Variants in LBP observed in about 807,000 individuals in gnomAD.
LBP encodes the protein lipopolysaccharide binding protein, also known as lipopolysaccharide-binding protein.
A neutral mutation model predicts 56.6 loss-of-function variants in LBP; 53 were observed. That is an observed-to-expected ratio of 0.94 (90% CI 0.75 to 1.18). The LOEUF (loss-of-function observed/expected upper bound fraction) is 1.18. Ranked by LOEUF, LBP falls within the 50% of genes most tolerant of loss-of-function variation. LBP has a pLI of 0.00. For missense variants in LBP, 601 were observed against 598.3 expected, an observed-to-expected ratio of 1.00 and a Z score of -0.05; for synonymous variants, 227 against 247.5, an observed-to-expected ratio of 0.92 and a Z score of 0.78.
chr20:38,365,713 AAAAAATAT>A (rs1195279476), intron 8 of LBP, among the ~76,000 whole-genome samples: 68 of 29,554 alleles, frequency 2.3e-3, no homozygotes, highest in African/African-American at 5.5e-3. Flanking sequence ...AAAAAAAAAA[AAAAAATAT>A]ATATATATAT....
rs1279644185 is a variant in LBP at position 38,356,416 on chromosome 20, A to ACG, written c.588+1011_588+1012dup. Reference sequence around the variant, plus strand: ...CACTCACACCCCCCACACCACACACACGCGCACACACACACACACACACAC... The same window carrying ACG: ...CACTCACACCCCCCACACCACACACACGCGCGCACACACACACACACACACAC... On this transcript the variant is annotated intron_variant, in intron 5 of 14. Transcript: ENST00000217407. 9.8e-4 allele frequency among the ~76,000 whole-genome samples: 61 copies of ACG among 62,448 alleles called. 1 individual carries two copies. In the East Asian group the frequency reaches 0.014, roughly 14 times the overall value. 41.0% of individuals were successfully genotyped at this position (62,448 alleles called of 152,430 possible).
intron 13 of LBP, among the ~76,000 whole-genome samples, 183 bp from the exon 14 acceptor site, chr20:38,373,754 C>T (rs1168014281): frequency 6.6e-6 from 1 of 152,206 alleles, no homozygotes; most frequent in East Asian, 1.9e-4. Flanking sequence ...TACTTGGCCA[C>T]TCTGTGCCTC....
rs768133178 is a variant in LBP, at chr20:38,349,558, G to A, written c.135G>A (p.Glu45=). ...TDKGLQYAAQ[E]GLLALQSELL... ...ATTTCCTTTCCACAGCGGCCCAGGA[G>A]GGGCTATTAGCTCTGCAGAGTGAGC... The change falls in exon 2 of 15, where the codon GAG becomes GAA. Residue 45 remains glutamate, a synonymous_variant. Coordinates refer to ENST00000217407, the MANE Select transcript of LBP (RefSeq NM_004139.5). 9.3e-6 allele frequency: 15 copies of A among 1,605,126 alleles called. No individual in the cohort carries two copies. The East Asian group carries it at 3.4e-4, about 36-fold the overall frequency.
intron 1 of LBP, among the ~76,000 whole-genome samples, chr20:38,347,087 C>T (rs1386344181): frequency 6.6e-6 from 1 of 152,166 alleles, no homozygotes; most frequent in Non-Finnish European, 1.5e-5. Flanking sequence ...TAGAGGCAGG[C>T]AGAGACCCTG....
chr20:38,358,951 C>T (rs1170930623), intron 5 of LBP, among the ~76,000 whole-genome samples: 7 of 152,214 alleles, frequency 4.6e-5, no homozygotes, highest in Admixed American at 2.6e-4. Context: ...GCCCCCTCTT[C>T]GAGCTGTGTC....
chr20:38,358,166 TA>T (rs2076847762), intron 5 of LBP, among the ~76,000 whole-genome samples: 1 of 152,146 alleles, frequency 6.6e-6, no homozygotes, highest in Non-Finnish European at 1.5e-5. Flanking sequence ...TCACTCTAGT[TA>T]TAACACCACT....
At chr20:38,359,209 T>G (rs1335744742) in intron 5 of LBP, among the ~76,000 whole-genome samples, 3 of 152,216 alleles carry the variant, frequency 2.0e-5, no homozygotes, top group African/African-American at 7.2e-5. Flanking sequence ...TTTTTTTGTT[T>G]TTCGTTTTTT....
At position 38,376,927 on chromosome 20, in the gene LBP, T is replaced by C; in HGVS notation, c.*258T>C. On this transcript the variant is annotated 3_prime_UTR_variant, in exon 15 of 15. Transcript: ENST00000217407. ...CTGGGATATCTTTACAAGCAGGCAC[T>C]GTATTTTTTTATTCGCCATCTGATC... The C allele has an allele frequency of 3.1e-6, 2 of 636,438 alleles. No individual in the cohort carries two copies. The highest frequency in any genetic ancestry group is 5.8e-6 in the Non-Finnish European group (2 of 342,638). The allele number at this position is 636,438 out of a possible 1,614,324, so 39.4% of individuals were successfully genotyped here.
At chr20:38,351,675 T>C (rs2076820954) in intron 3 of LBP, among the ~76,000 whole-genome samples, 1 of 152,132 alleles carries the variant, frequency 6.6e-6, no homozygotes, top group Non-Finnish European at 1.5e-5. Context: ...GGCTTGCAGA[T>C]GGCTGCCCTT....
At chr20:38,352,143 C>A (rs1403054655) in intron 3 of LBP, among the ~76,000 whole-genome samples, 1 of 152,140 alleles carries the variant, frequency 6.6e-6, no homozygotes, top group Non-Finnish European at 1.5e-5. Context: ...AGGGCCCACC[C>A]TAATGGCCTC....
At chr20:38,363,742 G>A (rs997825956) in intron 6 of LBP, among the ~76,000 whole-genome samples, 2 of 152,080 alleles carry the variant, frequency 1.3e-5, no homozygotes, top group Non-Finnish European at 2.9e-5. Flanking sequence ...GTGTGTGCTT[G>A]TCTGGAAACT....
intron 8 of LBP, among the ~76,000 whole-genome samples, chr20:38,365,742 ATATT>A (rs1555845116): frequency 3.5e-5 from 5 of 144,494 alleles, no homozygotes; most frequent in African/African-American, 1.3e-4. Flanking sequence ...ATATATATAT[ATATT>A]TATATGTGAA....
At chr20:38,362,659 G>GAGGTC (rs1248969652) in intron 6 of LBP, among the ~76,000 whole-genome samples, 1 of 151,520 alleles carries the variant, frequency 6.6e-6, no homozygotes, top group African/African-American at 2.4e-5. Flanking sequence ...AATAAAATAT[G>GAGGTC]AGGTCAGGTC....
At position 38,354,366 on chromosome 20, in the gene LBP, A is replaced by C. The variant is rs1161003236; in HGVS notation, c.451A>C (p.Arg151=). The C allele has an allele frequency of 1.2e-6, 2 of 1,613,544 alleles. No individual in the cohort carries two copies. The highest frequency in any genetic ancestry group is 1.7e-5 in the Admixed American group (1 of 59,964). The change falls in exon 4 of 15, where the codon AGG becomes CGG. Residue 151 remains arginine, a synonymous_variant. Transcript: ENST00000217407. Reference sequence around the variant, plus strand: ...CCTGTTGGGCAGCGAGTCCTCCGGGAGGCCCACAGTTACTGCCTCCAGCTG... The same window carrying C: ...CCTGTTGGGCAGCGAGTCCTCCGGGCGGCCCACAGTTACTGCCTCCAGCTG... ...NLLLGSESSG[R]PTVTASSCSS... is the part of the protein sequence containing the mutation.
chr20:38,367,807 A>C (rs747640604), intron 9 of LBP, among the ~76,000 whole-genome samples: 10 of 152,164 alleles, frequency 6.6e-5, no homozygotes, highest in Non-Finnish European at 1.2e-4. Flanking sequence ...CTGTTTTTCC[A>C]CGAATAGCCT....
At position 38,366,752 on chromosome 20, in the gene LBP, A is replaced by G. The variant is rs2232609; in HGVS notation, c.922-17A>G. On this transcript the variant is annotated splice_polypyrimidine_tract_variant and intron_variant, in intron 8 of 14. Transcript: ENST00000217407. ...AGCGGGAGCACCCTAAAACTTCTTC[A>G]TGTCTCTTTGCTGCAGATACCGCCT... The G allele has an allele frequency of 4.7e-3, 7,649 of 1,613,556 alleles. 352 individuals are homozygous for G. The African/African-American group carries it at 0.091, about 19-fold the overall frequency.
chr20:38,355,381 C>T lies in LBP; in HGVS notation c.560C>T (p.Ser187Phe), dbSNP rs41481051. The change falls in exon 5 of 15, where the codon TCC (serine) becomes TTC (phenylalanine). Residue 187 changes from serine to phenylalanine, a missense_variant. Transcript: ENST00000217407. ...AACCTCTTCCACAACCAGATTGAGT[C>T]CAAGTTCCAGAAAGTACTGGAGAGC... ...LLNLFHNQIE[S>F]KFQKVLESRI... 2 of 1,613,772 alleles carry T rather than the reference C, an allele frequency of 1.2e-6. No individual in the cohort carries two copies. The highest frequency in any genetic ancestry group is 1.6e-4 in the Middle Eastern group (1 of 6,062).
intron 14 of LBP, among the ~76,000 whole-genome samples, chr20:38,375,195 G>T (rs201030283): frequency 3.4e-5 from 5 of 149,180 alleles, no homozygotes; most frequent in African/African-American, 1.2e-4. Context: ...TGTTTTAAGG[G>T]TTTTTTTTTT....
intron 13 of LBP, 81 bp downstream of exon 13, chr20:38,373,216 G>A: frequency 1.6e-6 from 2 of 1,214,762 alleles, no homozygotes; most frequent in Non-Finnish European, 2.4e-6. Flanking sequence ...GGAAAACAGG[G>A]CTCTCCTGGG....
Sources: allele counts gnomAD v4.1 joint callset (sites outside exome capture counted in the v4.1 genomes callset), GRCh38; gene constraint gnomAD v4.1.1; transcripts MANE v1.5; gene names NCBI Gene and HGNC (gene_info 2026-07-23, HGNC 2026-07-21).